The following DNM3 variants were observed in gnomAD, a reference collection of about 807,000 sequenced individuals.
DNM3 encodes dynamin 3, also known as dynamin-3.
A neutral mutation model predicts 101.6 loss-of-function variants in DNM3; 47 were observed. That is an observed-to-expected ratio of 0.46 (90% CI 0.37 to 0.59). The LOEUF (loss-of-function observed/expected upper bound fraction) is 0.59. Ranked by LOEUF, DNM3 falls within the 20% of genes least tolerant of loss-of-function variation. The pLI is 0.00. For synonymous variants in DNM3, 385 were observed against 387.9 expected (o/e 0.99, Z 0.09); for missense variants, 849 against 1,085.7 (o/e 0.78, Z 3.06).
chr1:172,022,217 C>A (rs1199206653), intron 4 of DNM3, among the ~76,000 whole-genome samples: 2 of 152,124 alleles, frequency 1.3e-5, no homozygotes, highest in African/African-American at 2.4e-5. Flanking sequence ...ATAATAGTAT[C>A]TATCTCTTGG....
At chr1:172,257,581 T>C (rs904696097) in intron 15 of DNM3, among the ~76,000 whole-genome samples, 31 of 152,134 alleles carry the variant, frequency 2.0e-4, no homozygotes, top group African/African-American at 6.5e-4. Flanking sequence ...ATATTTTTTA[T>C]TGATACATAA....
rs768549406 is a variant in DNM3 at position 172,354,088 on chromosome 1, G to GGT, written c.1894-24906_1894-24905dup. 1.1e-3 allele frequency among the ~76,000 whole-genome samples: 130 copies of GGT among 123,088 alleles called. 6 individuals are homozygous for GGT. The highest frequency in any genetic ancestry group is 3.0e-3 in the African/African-American group (92 of 30,524). The allele number at this position is 123,088 out of a possible 152,430, so 80.8% of individuals were successfully genotyped here. A position where few individuals can be genotyped will look rare whatever the true frequency, so the allele number is the denominator to read the frequency against. On this transcript the variant is annotated intron_variant, in intron 17 of 20. Coordinates refer to ENST00000627582, the MANE Select transcript of DNM3 (RefSeq NM_015569.5). ...GGTATTTAGGACATAAAGGTGTTGGGGTGTGTGTGTGTGTGTGTGTGTGTG... is the reference window on the plus strand; with the variant it reads ...GGTATTTAGGACATAAAGGTGTTGGGGTGTGTGTGTGTGTGTGTGTGTGTGTG...
chr1:171,914,884 A>G (rs1403182832), intron 1 of DNM3, among the ~76,000 whole-genome samples: 1 of 152,028 alleles, frequency 6.6e-6, no homozygotes, highest in African/African-American at 2.4e-5. Flanking sequence ...GAGGGAGCAG[A>G]CAAGTGTGTG....
Position 172,198,275 on chromosome 1 carries a change from C to T in DNM3, c.1660-55298C>T, listed in dbSNP as rs118066967. On this transcript the variant is annotated intron_variant, in intron 14 of 20. Coordinates refer to ENST00000627582, the MANE Select transcript of DNM3 (RefSeq NM_015569.5). ...ATCCCGAGGATGAAGCCTACTTGAT[C>T]ATGCTAGATTAGCTTTTTGATGTGC... Among the ~76,000 whole-genome samples the T allele has an allele frequency of 2.4e-3, 372 of 152,230 alleles. 14 individuals carry two copies. In the East Asian group the frequency reaches 0.066, roughly 27 times the overall value.
intron 1 of DNM3, among the ~76,000 whole-genome samples, chr1:171,896,227 G>A (rs1262406299): frequency 1.3e-5 from 2 of 152,100 alleles, no homozygotes; most frequent in African/African-American, 2.4e-5. Flanking sequence ...AATTACCTTG[G>A]GCAGTATGGC....
intron 14 of DNM3, among the ~76,000 whole-genome samples, chr1:172,133,797 T>C (rs1395652071): frequency 1.3e-5 from 2 of 152,074 alleles, no homozygotes; most frequent in Non-Finnish European, 2.9e-5. Context: ...ACAGTAAGTA[T>C]AAAAACCCTG....
intron 14 of DNM3, among the ~76,000 whole-genome samples, chr1:172,248,859 T>C (rs1015780547): frequency 2.6e-5 from 4 of 152,128 alleles, no homozygotes; most frequent in Non-Finnish European, 5.9e-5. Flanking sequence ...TTCAATAATA[T>C]TTATAATATA....
chr1:172,147,881 T>C (rs919743176), intron 14 of DNM3, among the ~76,000 whole-genome samples: 13 of 152,140 alleles, frequency 8.5e-5, no homozygotes, highest in African/African-American at 2.9e-4. Flanking sequence ...ATGATTCCTT[T>C]GACTACTTTC....
intron 1 of DNM3, among the ~76,000 whole-genome samples, chr1:171,892,373 C>T (rs537015083): frequency 6.6e-6 from 1 of 152,226 alleles, no homozygotes; most frequent in East Asian, 1.9e-4. Context: ...ATTGTAGCTG[C>T]TTTTAGGCTC....
At chr1:171,906,701 C>T (rs919056011) in intron 1 of DNM3, among the ~76,000 whole-genome samples, 2 of 152,068 alleles carry the variant, frequency 1.3e-5, no homozygotes, top group African/African-American at 4.8e-5. Flanking sequence ...AGAATGTCCA[C>T]TGCTTAGGAT....
chr1:172,085,180 C>T (rs1241991972), intron 12 of DNM3, among the ~76,000 whole-genome samples: 1 of 151,156 alleles, frequency 6.6e-6, no homozygotes, highest in African/African-American at 2.4e-5. Flanking sequence ...CCTGAAAGTT[C>T]AGCATTTCAG....
In DNM3 at chr1:172,155,655, A is replaced by C. The variant is rs141696320; in HGVS notation, c.1659+24367A>C. Among the ~76,000 whole-genome samples the C allele has an allele frequency of 3.6e-3, 553 of 152,078 alleles. 8 individuals carry two copies. The highest frequency in any genetic ancestry group is 0.013 in the African/African-American group (529 of 41,510). On this transcript the variant is annotated intron_variant, in intron 14 of 20. Transcript: ENST00000627582. Reference sequence around the variant, plus strand: ...AAACATCCAGTTATGTCATTCTTTTATTTTTTCACTCACTCCATGAACATT... The same window carrying C: ...AAACATCCAGTTATGTCATTCTTTTCTTTTTTCACTCACTCCATGAACATT...
intron 14 of DNM3, among the ~76,000 whole-genome samples, chr1:172,225,288 C>A (rs1277230206): frequency 6.6e-6 from 1 of 151,584 alleles, no homozygotes; most frequent in African/African-American, 2.4e-5. Context: ...ACAGGCGCAC[C>A]ACCACGCCCA....
intron 18 of DNM3, chr1:172,386,924 A>G: frequency 1.9e-6 from 1 of 517,488 alleles, no homozygotes. Flanking sequence ...GTGGACAGCC[A>G]AAAGACAGAG....
At chr1:172,324,592 G>A (rs2148917774) in intron 17 of DNM3, among the ~76,000 whole-genome samples, 1 of 152,098 alleles carries the variant, frequency 6.6e-6, no homozygotes, top group South Asian at 2.1e-4. Context: ...AAAAACAGCA[G>A]GTAACTTTTG....
intron 14 of DNM3, among the ~76,000 whole-genome samples, chr1:172,236,366 T>C (rs890992619): frequency 3.9e-5 from 6 of 152,172 alleles, no homozygotes; most frequent in Admixed American, 1.3e-4. Flanking sequence ...TGAGACTTTT[T>C]CATGGAGAGA....
intron 15 of DNM3, among the ~76,000 whole-genome samples, chr1:172,284,271 C>A (rs1282584392): frequency 6.6e-6 from 1 of 152,022 alleles, no homozygotes; most frequent in Non-Finnish European, 1.5e-5. Context: ...TTATTTTCAG[C>A]CTTTTGAGTA....
chr1:172,384,421 A>G (rs1387677619), intron 18 of DNM3, among the ~76,000 whole-genome samples: 1 of 152,130 alleles, frequency 6.6e-6, no homozygotes, highest in Non-Finnish European at 1.5e-5. Context: ...ACTTGTATTC[A>G]TTCCTTCCTT....
chr1:171,918,364 G>A lies in DNM3; in HGVS notation c.162-3384G>A, dbSNP rs12075890. 8.5e-3 allele frequency among the ~76,000 whole-genome samples: 1,296 copies of A among 152,302 alleles called. 13 individuals are homozygous for A. The highest frequency in any genetic ancestry group is 0.03 in the African/African-American group (1,237 of 41,542). On this transcript the variant is annotated intron_variant, in intron 1 of 20. Coordinates refer to ENST00000627582, the MANE Select transcript of DNM3 (RefSeq NM_015569.5). ...AGAGAATTTTGCCCATTCAGTGGTA[G>A]AGCTAATATTCAAAGGAAGGTTCTG...
Sources: allele counts gnomAD v4.1 joint callset (sites outside exome capture counted in the v4.1 genomes callset), GRCh38; gene constraint gnomAD v4.1.1; transcripts MANE v1.5; gene names NCBI Gene and HGNC (gene_info 2026-07-23, HGNC 2026-07-21).